SMPD3: variants seen among roughly 807,000 people sequenced by gnomAD.
SMPD3 encodes nSMase-2.
SMPD3 carries 21 observed loss-of-function variants against 55.7 expected under a neutral mutation model. That is an observed-to-expected ratio of 0.38 (90% CI 0.27 to 0.54). The LOEUF (loss-of-function observed/expected upper bound fraction) is 0.54, where lower values mean the gene tolerates loss of function less well. Among genes scored for constraint, SMPD3 ranks in the 20% least tolerant of loss-of-function variants. The pLI is 0.80. For synonymous variants in SMPD3, 457 were observed against 404.3 expected, an observed-to-expected ratio of 1.13 and a Z score of -1.56; for missense variants, 842 against 899.6, an observed-to-expected ratio of 0.94 and a Z score of 0.82.
At chr16:68,421,816 A>G (rs1023054893) in intron 1 of SMPD3, among the ~76,000 whole-genome samples, 5 of 152,324 alleles carry the variant, frequency 3.3e-5, no homozygotes, top group East Asian at 1.9e-4. Flanking sequence ...TGGCCTGCCT[A>G]TTAGACTTGG....
At chr16:68,434,104 A>G (rs944476355) in intron 1 of SMPD3, among the ~76,000 whole-genome samples, 1 of 152,226 alleles carries the variant, frequency 6.6e-6, no homozygotes, top group South Asian at 2.1e-4. Flanking sequence ...TGTTGCAGGC[A>G]TGAATTTATG....
rs749555332 is a variant in SMPD3, at chr16:68,363,564, G to C, written c.1646-5C>G. 1.4e-5 allele frequency: 23 copies of C among 1,612,446 alleles called. No homozygotes were observed. Among genetic ancestry groups the C allele is most frequent in the Non-Finnish European group, 1.8e-5 (21 of 1,179,318 alleles). ...CGTTCGTGTCCAGCAGAGTACCTGG[G>C]GGGGACGAGGGGGTGACAGTGGTCG... On this transcript the variant is annotated splice_polypyrimidine_tract_variant and splice_region_variant and intron_variant, in intron 6 of 8. Coordinates refer to ENST00000219334, the MANE Select transcript of SMPD3 (RefSeq NM_018667.4).
At chr16:68,435,454 G>T (rs897199714) in intron 1 of SMPD3, among the ~76,000 whole-genome samples, 27 of 150,818 alleles carry the variant, frequency 1.8e-4, no homozygotes, top group Admixed American at 7.3e-4. Context: ...AGCTTTAAGT[G>T]GTTTGTTTAA....
At chr16:68,379,837 C>T (rs930690614) in intron 2 of SMPD3, among the ~76,000 whole-genome samples, 1 of 152,258 alleles carries the variant, frequency 6.6e-6, no homozygotes, top group East Asian at 1.9e-4. Context: ...CCAGCCTCGG[C>T]ATTTCCCTGG....
At position 68,371,069 on chromosome 16, in the gene SMPD3, G is replaced by A; in HGVS notation, c.1113C>T (p.Ala371=). 6.2e-7 allele frequency: 1 copy of A among 1,614,176 alleles called. No homozygotes were observed. The highest frequency in any genetic ancestry group is 8.5e-7 in the Non-Finnish European group (1 of 1,180,040). The change falls in exon 3 of 9, where the codon GCC becomes GCT. Residue 371 remains alanine (A), a synonymous_variant. Coordinates refer to ENST00000219334, the MANE Select transcript of SMPD3 (RefSeq NM_018667.4). The part of the protein sequence containing the change: ...CLQEVFDKRA[A]TKLKEQLHGY... ...CGTGCAGCTGCTCTTTCAATTTGGT[G>A]GCTGCTCGCTTGTCAAACACCTCCT...
At chr16:68,411,411 C>G (rs1009642591) in intron 1 of SMPD3, among the ~76,000 whole-genome samples, 1 of 152,336 alleles carries the variant, frequency 6.6e-6, no homozygotes, top group South Asian at 2.1e-4. Flanking sequence ...AGGCTAGAGA[C>G]CTGGTCTTGT....
At chr16:68,434,639 T>C (rs2090507350) in intron 1 of SMPD3, among the ~76,000 whole-genome samples, 1 of 152,202 alleles carries the variant, frequency 6.6e-6, no homozygotes, top group Non-Finnish European at 1.5e-5. Context: ...CCTGTCATCT[T>C]GTTTTATGTT....
At chr16:68,375,108 C>T (rs963599406) in intron 2 of SMPD3, among the ~76,000 whole-genome samples, 2 of 152,214 alleles carry the variant, frequency 1.3e-5, no homozygotes, top group African/African-American at 4.8e-5. Flanking sequence ...GAGCTCCTGC[C>T]TCACCCCGGC....
chr16:68,429,403 A>C (rs751993984), intron 1 of SMPD3, among the ~76,000 whole-genome samples: 2 of 152,312 alleles, frequency 1.3e-5, no homozygotes, highest in Non-Finnish European at 2.9e-5. Context: ...GGGCACTCTG[A>C]CTGCTATGGA....
At chr16:68,366,450 C>G (rs185638761) in intron 3 of SMPD3, among the ~76,000 whole-genome samples, 5 of 152,254 alleles carry the variant, frequency 3.3e-5, no homozygotes, top group Non-Finnish European at 7.3e-5. Flanking sequence ...TCACTTCTTG[C>G]CCACAGACAG....
At chr16:68,444,164 T>C (rs761037480) in intron 1 of SMPD3, among the ~76,000 whole-genome samples, 5 of 152,200 alleles carry the variant, frequency 3.3e-5, no homozygotes, top group Non-Finnish European at 5.9e-5. Context: ...GGAAATCCTC[T>C]TGGAGGCCAT....
intron 1 of SMPD3, among the ~76,000 whole-genome samples, chr16:68,407,980 CAG>C (rs1567802917): frequency 6.6e-6 from 1 of 152,156 alleles, no homozygotes; most frequent in South Asian, 2.1e-4. Flanking sequence ...AAAGATATAA[CAG>C]AGAGTTTATT....
At chr16:68,365,854 A>G (rs188566577) in intron 3 of SMPD3, among the ~76,000 whole-genome samples, 1 of 152,268 alleles carries the variant, frequency 6.6e-6, no homozygotes, top group Admixed American at 6.5e-5. Flanking sequence ...ACAAATTAGC[A>G]TCTCCACTGT....
At chr16:68,361,781 A>AG in intron 7 of SMPD3, 22 bp from the exon 8 acceptor site, 1 of 1,452,506 alleles carries the variant, frequency 6.9e-7, no homozygotes, top group Non-Finnish European at 9.3e-7. Flanking sequence ...TGCAGGAGGC[A>AG]GGTGGGCCCC....
chr16:68,402,500 G>A (rs1183054978), intron 1 of SMPD3, among the ~76,000 whole-genome samples: 1 of 152,180 alleles, frequency 6.6e-6, no homozygotes, highest in Non-Finnish European at 1.5e-5. Context: ...GTGGTGGAAG[G>A]CGTGGTGACT....
chr16:68,371,578 CG>C lies in SMPD3; in HGVS notation c.603del (p.Ser203AlafsTer101). On this transcript the variant is annotated frameshift_variant, in exon 3 of 9. Transcript: ENST00000219334. LOFTEE classifies it high-confidence loss of function. ...QGGDGVARAV[P>X]GSIKRTASVE... ...ACAGAGGCTGTCCTCTTAATGCTCC[CG>C]GGGACGGCCCGGGCCACCCCATCGC... 1 of 1,582,570 alleles carries C rather than the reference CG, an allele frequency of 6.3e-7. No homozygotes were observed.
chr16:68,438,514 T>A (rs2090542028), intron 1 of SMPD3, among the ~76,000 whole-genome samples: 1 of 152,188 alleles, frequency 6.6e-6, no homozygotes, highest in African/African-American at 2.4e-5. Flanking sequence ...TTCATATCCC[T>A]TTCTTTGCCT....
At chr16:68,419,435 A>G (rs1324848399) in intron 1 of SMPD3, among the ~76,000 whole-genome samples, 2 of 152,200 alleles carry the variant, frequency 1.3e-5, no homozygotes, top group Non-Finnish European at 2.9e-5. Context: ...CTACTGCCCT[A>G]TCACCCACAG....
At chr16:68,398,885 G>A (rs1293976771) in intron 1 of SMPD3, among the ~76,000 whole-genome samples, 1 of 152,228 alleles carries the variant, frequency 6.6e-6, no homozygotes. Context: ...ACACCGAAGT[G>A]GAGTGTGTCT....
Sources: allele counts gnomAD v4.1 joint callset (sites outside exome capture counted in the v4.1 genomes callset), GRCh38; gene constraint gnomAD v4.1.1; transcripts MANE v1.5; gene names NCBI Gene and HGNC (gene_info 2026-07-23, HGNC 2026-07-21).